Variants in COL24A1 observed in about 807,000 individuals in gnomAD.
COL24A1 encodes collagen alpha-1(XXIV) chain.
Under a neutral mutation model 253.9 loss-of-function variants are expected in COL24A1, and 224 were observed. The observed-to-expected ratio is 0.88, with a 90% CI of 0.79 to 0.99. COL24A1 has a LOEUF of 0.99. Among genes scored for constraint, COL24A1 ranks in the 50% least tolerant of loss-of-function variants. COL24A1 has a pLI of 0.00. For missense variants in COL24A1, 2,131 were observed against 2,068.5 expected (o/e 1.03, Z -0.59); for synonymous variants, 685 against 673.7 (o/e 1.02, Z -0.26).
intron 38 of COL24A1, among the ~76,000 whole-genome samples, chr1:85,849,138 A>G (rs976760418): frequency 2.6e-5 from 4 of 152,166 alleles, no homozygotes; most frequent in African/African-American, 9.6e-5. Flanking sequence ...TTTTTTACAA[A>G]CTACAAAATG....
At chr1:85,778,099 T>C (rs2101500683) in intron 52 of COL24A1, among the ~76,000 whole-genome samples, 1 of 151,786 alleles carries the variant, frequency 6.6e-6, no homozygotes, top group African/African-American at 2.4e-5. Flanking sequence ...CACGTATCCA[T>C]AGCAACAGAT....
At chr1:85,899,449 G>A (rs1259398203) in intron 28 of COL24A1, among the ~76,000 whole-genome samples, 3 of 152,112 alleles carry the variant, frequency 2.0e-5, no homozygotes, top group Admixed American at 2.0e-4. Flanking sequence ...TAGAAATGTA[G>A]GTTTGCTTAG....
chr1:85,792,499 G>A (rs1277048591), intron 47 of COL24A1, among the ~76,000 whole-genome samples: 1 of 148,208 alleles, frequency 6.7e-6, no homozygotes, highest in Admixed American at 6.9e-5. Flanking sequence ...GACCAGTCTG[G>A]GTGACACAGT....
chr1:85,852,786 A>G (rs1677925103), intron 37 of COL24A1, among the ~76,000 whole-genome samples: 1 of 152,114 alleles, frequency 6.6e-6, no homozygotes, highest in South Asian at 2.1e-4. Context: ...ATTGCTGGTG[A>G]AAAAGAATGG....
At chr1:86,009,493 C>T (rs1180220488) in intron 19 of COL24A1, among the ~76,000 whole-genome samples, 1 of 152,110 alleles carries the variant, frequency 6.6e-6, no homozygotes, top group Admixed American at 6.5e-5. Context: ...CAAACCTGTA[C>T]AGTATGTTAC....
chr1:86,059,400 T>C (rs1700906440), intron 8 of COL24A1, among the ~76,000 whole-genome samples: 1 of 152,130 alleles, frequency 6.6e-6, no homozygotes, highest in Non-Finnish European at 1.5e-5. Flanking sequence ...TCATTAATAA[T>C]CATAAATCTA....
intron 43 of COL24A1, among the ~76,000 whole-genome samples, chr1:85,826,932 A>G (rs912492626): frequency 3.9e-5 from 6 of 151,968 alleles, no homozygotes; most frequent in East Asian, 1.9e-4. Context: ...TATCCTGCCT[A>G]ATTGCCCTGG....
chr1:85,896,040 C>T lies in COL24A1; in HGVS notation c.2858G>A (p.Arg953Lys). Reference sequence around the variant, plus strand: ...ACTTACAATAAGACCATGAGGCCCTCTTTTTCCTTGATCTCCTTTTTCACC... The same window carrying T: ...ACTTACAATAAGACCATGAGGCCCTTTTTTTCCTTGATCTCCTTTTTCACC... ...AKGEKGDQGKRGPHGLIGKTG... is the reference protein window; with the variant it reads ...AKGEKGDQGKKGPHGLIGKTG... Residue 953 changes from arginine (R) to lysine (K), a missense_variant, in exon 30 of 60, where the codon AGA (arginine) becomes AAA (lysine). Transcript: ENST00000370571. 6.2e-7 allele frequency: 1 copy of T among 1,612,626 alleles called. No homozygotes were observed.
At chr1:85,997,008 C>CAT (rs1005148817) in intron 19 of COL24A1, among the ~76,000 whole-genome samples, 6 of 120,642 alleles carry the variant, frequency 5.0e-5, no homozygotes, top group African/African-American at 1.4e-4. Flanking sequence ...TGTTTTCTTT[C>CAT]ATATATATAT....
At chr1:85,774,704 G>A (rs1038180369) in intron 53 of COL24A1, among the ~76,000 whole-genome samples, 30 of 152,158 alleles carry the variant, frequency 2.0e-4, no homozygotes, top group African/African-American at 6.3e-4. Flanking sequence ...ATTTCTGTGG[G>A]ATTGGTGGTG....
rs768485972 is a variant in COL24A1, at chr1:85,910,013, G to T, written c.2617-10C>A. On this transcript the variant is annotated splice_polypyrimidine_tract_variant and intron_variant, in intron 25 of 59. Coordinates refer to ENST00000370571, the MANE Select transcript of COL24A1 (RefSeq NM_152890.7). Reference sequence around the variant, plus strand: ...GACTTCCACGTTCTCCCTTTTAAGAGAACAAAGAAAAAAGAGTAACATAGA... The same window carrying T: ...GACTTCCACGTTCTCCCTTTTAAGATAACAAAGAAAAAAGAGTAACATAGA... 6.2e-7 allele frequency: 1 copy of T among 1,604,920 alleles called. No homozygotes were observed. Among genetic ancestry groups the T allele is most frequent in the South Asian group, 1.1e-5 (1 of 90,570 alleles).
At chr1:85,824,423 A>C (rs983045217) in intron 43 of COL24A1, among the ~76,000 whole-genome samples, 1 of 152,202 alleles carries the variant, frequency 6.6e-6, no homozygotes, top group Non-Finnish European at 1.5e-5. Flanking sequence ...TAATATAGTC[A>C]ATAACCAAAG....
At chr1:85,985,892 C>T (rs1378851644) in intron 20 of COL24A1, among the ~76,000 whole-genome samples, 1 of 151,778 alleles carries the variant, frequency 6.6e-6, no homozygotes, top group Non-Finnish European at 1.5e-5. Flanking sequence ...TGATAAACTA[C>T]AGGATGCTCA....
At position 86,040,388 on chromosome 1, in the gene COL24A1, A is replaced by C. The variant is rs1007512951; in HGVS notation, c.1950+6437T>G. On this transcript the variant is annotated intron_variant, in intron 12 of 59. Coordinates refer to ENST00000370571, the MANE Select transcript of COL24A1 (RefSeq NM_152890.7). ...GTGCAGGTTAGTTACATATGTATAC[A>C]TGTGCCATGCTGGTGTGCTGCACCC... 7.9e-5 allele frequency among the ~76,000 whole-genome samples: 12 copies of C among 151,552 alleles called. No individual in the cohort carries two copies. The East Asian group carries it at 2.0e-3, about 25-fold the overall frequency.
At chr1:85,938,487 A>G (rs1291707165) in intron 24 of COL24A1, among the ~76,000 whole-genome samples, 2 of 146,896 alleles carry the variant, frequency 1.4e-5, no homozygotes, top group Non-Finnish European at 3.0e-5. Context: ...AAGAGGGAGA[A>G]GATTAATATC....
At position 86,038,451 on chromosome 1, in the gene COL24A1, C is replaced by T. The variant is rs151026534; in HGVS notation, c.1951-4528G>A. Among the ~76,000 whole-genome samples the T allele has an allele frequency of 1.0e-3, 158 of 152,192 alleles. 3 individuals are homozygous for T. Among genetic ancestry groups the T allele is most frequent in the Admixed American group, 5.8e-3 (89 of 15,254 alleles). On this transcript the variant is annotated intron_variant, in intron 12 of 59. Coordinates refer to ENST00000370571, the MANE Select transcript of COL24A1 (RefSeq NM_152890.7). ...TGGTACCACTTAAAAACCTTCATGG[C>T]ATTCAGACATGAAAATACAGGCAAG...
intron 34 of COL24A1, 53 bp downstream of exon 34, chr1:85,875,224 G>C: frequency 6.9e-7 from 1 of 1,456,378 alleles, no homozygotes. Context: ...AGCAAATGTA[G>C]GGGGTTCAAT....
chr1:85,763,966 G>A (rs1052410803), intron 53 of COL24A1, among the ~76,000 whole-genome samples: 2 of 152,086 alleles, frequency 1.3e-5, no homozygotes, highest in Non-Finnish European at 2.9e-5. Flanking sequence ...TTAAAAATAC[G>A]TGTAAGTGCA....
At chr1:86,105,310 T>C (rs1704864119) in intron 5 of COL24A1, among the ~76,000 whole-genome samples, 1 of 152,148 alleles carries the variant, frequency 6.6e-6, no homozygotes, top group African/African-American at 2.4e-5. Context: ...ACACATGCGT[T>C]AGCAAAGCAA....
Sources: allele counts gnomAD v4.1 joint callset (sites outside exome capture counted in the v4.1 genomes callset), GRCh38; gene constraint gnomAD v4.1.1; transcripts MANE v1.5; gene names NCBI Gene and HGNC (gene_info 2026-07-23, HGNC 2026-07-21).